Variants in WDSUB1 observed in about 807,000 individuals in gnomAD.
The protein encoded by WDSUB1 is WD repeat, sterile alpha motif and U-box domain containing 1.
Under a neutral mutation model 53.9 loss-of-function variants are expected in WDSUB1, and 49 were observed. The ratio of observed to expected loss-of-function variants is 0.91; its 90% CI spans 0.72 to 1.15. WDSUB1 has a LOEUF of 1.15. Ranked by LOEUF, WDSUB1 falls within the 50% of genes most tolerant of loss-of-function variation. WDSUB1 has a pLI of 0.00. For missense variants in WDSUB1, 514 were observed against 562.0 expected (o/e 0.91, Z 0.86); for synonymous variants, 194 against 200.6 (o/e 0.97, Z 0.28).
At position 159,285,954 on chromosome 2, in the gene WDSUB1, C is replaced by T. The variant is rs1244502125; in HGVS notation, c.-25+629G>A. Among the ~76,000 whole-genome samples, 5 of 152,132 alleles carry T rather than the reference C, an allele frequency of 3.3e-5. No individual in the cohort carries two copies. In the East Asian group the frequency reaches 9.6e-4, roughly 29 times the overall value. On this transcript the variant is annotated intron_variant, in intron 1 of 10. Coordinates refer to ENST00000359774, the MANE Select transcript of WDSUB1 (RefSeq NM_001128212.3). ...CACAGGTGATTTTCCAAACAAACTC[C>T]GGCTCCCAGCCCTCTGCCGCACTCA...
intron 2 of WDSUB1, among the ~76,000 whole-genome samples, chr2:159,280,245 A>G (rs1466765134): frequency 5.9e-5 from 9 of 152,256 alleles, no homozygotes; most frequent in Non-Finnish European, 8.8e-5. Context: ...GCAAATCAGT[A>G]TAAACACATT....
intron 9 of WDSUB1, among the ~76,000 whole-genome samples, chr2:159,255,430 G>A (rs2061041368): frequency 6.6e-6 from 1 of 152,040 alleles, no homozygotes; most frequent in African/African-American, 2.4e-5. Flanking sequence ...TCGCGCCACT[G>A]CACACCGGCC....
chr2:159,236,319 G>T (rs564159864), intron 10 of WDSUB1, 129 bp from the exon 11 acceptor site: 2 of 903,762 alleles, frequency 2.2e-6, no homozygotes, highest in Non-Finnish European at 3.2e-6. Flanking sequence ...TGTCTTGCTT[G>T]TACCAGCACC....
At chr2:159,283,285 G>T (rs1204435483) in intron 1 of WDSUB1, among the ~76,000 whole-genome samples, 192 bp from the exon 2 acceptor site, 1 of 152,200 alleles carries the variant, frequency 6.6e-6, no homozygotes, top group Admixed American at 6.5e-5. Context: ...CTGGACTGGG[G>T]TGTGGGGGAT....
Position 159,283,086 on chromosome 2 carries a change from A to G in WDSUB1, c.-17T>C. On this transcript the variant is annotated 5_prime_UTR_variant, in exon 2 of 11. Transcript: ENST00000359774. Reference sequence around the variant, plus strand: ...TTTCACCATGTTCTTTATTTGAAGAAAAACAGCCTGAAATTTTTAAGCAGA... The same window carrying G: ...TTTCACCATGTTCTTTATTTGAAGAGAAACAGCCTGAAATTTTTAAGCAGA... 2 of 1,582,120 alleles carry G rather than the reference A, an allele frequency of 1.3e-6. No individual in the cohort carries two copies. The highest frequency in any genetic ancestry group is 8.6e-7 in the Non-Finnish European group (1 of 1,162,250).
At chr2:159,256,133 T>C (rs2151087541) in intron 9 of WDSUB1, 63 bp downstream of exon 9, 2 of 1,491,160 alleles carry the variant, frequency 1.3e-6, no homozygotes, top group Non-Finnish European at 1.8e-6. Flanking sequence ...TGCAACAAAA[T>C]CCAACTGCAG....
In WDSUB1 at chr2:159,267,957, A is replaced by G. The variant is rs187436373; in HGVS notation, c.770+3745T>C. On this transcript the variant is annotated intron_variant, in intron 5 of 10. Coordinates refer to ENST00000359774, the MANE Select transcript of WDSUB1 (RefSeq NM_001128212.3). ...ATATTTGAATGTGACCTTGAGCAAC[A>G]CCATATACCCAAAAGCACTTGATAA... Among the ~76,000 whole-genome samples, 376 of 152,340 alleles carry G rather than the reference A, an allele frequency of 2.5e-3. 2 individuals carry two copies. The highest frequency in any genetic ancestry group is 0.018 in the South Asian group (85 of 4,832).
intron 1 of WDSUB1, among the ~76,000 whole-genome samples, chr2:159,285,338 G>C (rs920555348): frequency 6.6e-6 from 1 of 152,138 alleles, no homozygotes; most frequent in Non-Finnish European, 1.5e-5. Flanking sequence ...AGCTCTGAAA[G>C]GGGCAGGTAT....
In WDSUB1 at chr2:159,240,455, T is replaced by C. The variant is rs528777845; in HGVS notation, c.1274-4265A>G. Among the ~76,000 whole-genome samples, 5 of 152,290 alleles carry C rather than the reference T, an allele frequency of 3.3e-5. No homozygotes were observed. The East Asian group carries it at 9.7e-4, about 29-fold the overall frequency. ...TTCAACAGCAACCACACATGAAGGT[T>C]CCATTTTCTGCACATCCTTGCCAAC... On this transcript the variant is annotated intron_variant, in intron 10 of 10. Coordinates refer to ENST00000359774, the MANE Select transcript of WDSUB1 (RefSeq NM_001128212.3).
At chr2:159,252,147 A>ATGTT (rs1553627805) in intron 9 of WDSUB1, among the ~76,000 whole-genome samples, 1 of 151,838 alleles carries the variant, frequency 6.6e-6, no homozygotes, top group Non-Finnish European at 1.5e-5. Context: ...AAAATTAAAA[A>ATGTT]TTAATTTAAA....
At chr2:159,270,842 T>TAC (rs35573661) in intron 5 of WDSUB1, among the ~76,000 whole-genome samples, 23,155 of 151,126 alleles carry the variant, frequency 0.15, 3,565 homozygotes, top group African/African-American at 0.39. Flanking sequence ...AATATAAAAA[T>TAC]ACACACACAC....
At chr2:159,249,792 A>G (rs939684356) in intron 9 of WDSUB1, among the ~76,000 whole-genome samples, 1 of 152,010 alleles carries the variant, frequency 6.6e-6, no homozygotes, top group Non-Finnish European at 1.5e-5. Flanking sequence ...GAGGCTGGGT[A>G]CAGTGGCTCA....
intron 1 of WDSUB1, among the ~76,000 whole-genome samples, chr2:159,283,368 C>T (rs1267467129): frequency 6.6e-6 from 1 of 152,086 alleles, no homozygotes; most frequent in African/African-American, 2.4e-5. Flanking sequence ...CTCGATCCCT[C>T]GCAGGCGCAG....
intron 2 of WDSUB1, among the ~76,000 whole-genome samples, chr2:159,282,067 T>TAAA (rs70994284): frequency 2.7e-5 from 4 of 150,000 alleles, no homozygotes; most frequent in East Asian, 3.9e-4. Flanking sequence ...CTCTTACAAT[T>TAAA]AAAAAAAAAA....
intron 10 of WDSUB1, among the ~76,000 whole-genome samples, chr2:159,247,455 G>A (rs926517283): frequency 3.9e-5 from 6 of 152,032 alleles, no homozygotes; most frequent in Non-Finnish European, 8.8e-5. Context: ...TATTAAGCTG[G>A]CAAAAGTAAA....
intron 9 of WDSUB1, among the ~76,000 whole-genome samples, chr2:159,249,090 C>T (rs112662190): frequency 1.3e-5 from 2 of 152,176 alleles, no homozygotes; most frequent in African/African-American, 2.4e-5. Flanking sequence ...TTTCAGGTTG[C>T]CAGACACTAA....
chr2:159,247,922 T>TAA (rs1159831541), intron 10 of WDSUB1, among the ~76,000 whole-genome samples: 1 of 75,006 alleles, frequency 1.3e-5, no homozygotes. Context: ...TATATATATA[T>TAA]ATATAAATAT....
At position 159,279,749 on chromosome 2, in the gene WDSUB1, A is replaced by G. The variant is rs2061612964; in HGVS notation, c.583+12T>C. 6.3e-7 allele frequency: 1 copy of G among 1,593,182 alleles called. No individual in the cohort carries two copies. The highest frequency in any genetic ancestry group is 1.3e-5 in the African/African-American group (1 of 74,080). On this transcript the variant is annotated intron_variant, in intron 3 of 10. Coordinates refer to ENST00000359774, the MANE Select transcript of WDSUB1 (RefSeq NM_001128212.3). ...AGGAATTTCTAGTGCTTAAAAGAAT[A>G]AAATAACCAACCAGAAACTGGCTGT...
At chr2:159,236,375 G>A (rs937287645) in intron 10 of WDSUB1, among the ~76,000 whole-genome samples, 185 bp from the exon 11 acceptor site, 7 of 152,180 alleles carry the variant, frequency 4.6e-5, no homozygotes, top group Admixed American at 1.3e-4. Context: ...TTGATTGGAT[G>A]GAGACGTATG....
Sources: gnomAD v4.1 joint callset for allele counts (sites outside exome capture counted in the v4.1 genomes callset) on GRCh38, gnomAD v4.1.1 for gene constraint, MANE v1.5 for transcripts, NCBI Gene and HGNC (gene_info 2026-07-23, HGNC 2026-07-21) for gene names.